Variants in ANTXRL observed in about 807,000 individuals in gnomAD.
ANTXRL encodes the protein anthrax toxin receptor-like.
Under a neutral mutation model 75.4 loss-of-function variants are expected in ANTXRL, and 63 were observed. The observed-to-expected ratio is 0.84, with a 90% CI of 0.68 to 1.03. ANTXRL has a LOEUF of 1.03. ANTXRL is among the 50% of genes least tolerant of loss of function. ANTXRL has a pLI of 0.00. For synonymous variants in ANTXRL, 335 were observed against 291.3 expected (o/e 1.15, Z -1.53); for missense variants, 797 against 789.4 (o/e 1.01, Z -0.12).
intron 10 of ANTXRL, among the ~76,000 whole-genome samples, chr10:46,304,185 C>T (rs1356951271): frequency 2.6e-5 from 4 of 152,172 alleles, no homozygotes; most frequent in African/African-American, 4.8e-5. Flanking sequence ...TATCAGATAT[C>T]GTGCCAAGTG....
intron 10 of ANTXRL, among the ~76,000 whole-genome samples, chr10:46,304,739 C>T (rs1210272044): frequency 4.6e-5 from 7 of 152,144 alleles, no homozygotes; most frequent in Admixed American, 6.5e-5. Context: ...GATGGAAGAG[C>T]CTGCCCAGGG....
chr10:46,329,254 C>T (rs1390850027), intron 16 of ANTXRL, among the ~76,000 whole-genome samples: 1 of 152,160 alleles, frequency 6.6e-6, no homozygotes, highest in Non-Finnish European at 1.5e-5. Flanking sequence ...CTTCCACATG[C>T]TCACTAGAGC....
chr10:46,309,048 A>T, intron 12 of ANTXRL, 65 bp from the exon 13 acceptor site: 1 of 1,533,174 alleles, frequency 6.5e-7, no homozygotes, highest in Non-Finnish European at 8.7e-7. Flanking sequence ...CAGATGGGCC[A>T]CCAAGTGGTG....
Position 46,306,786 on chromosome 10 carries a change from A to C in ANTXRL, c.896-17A>C, listed in dbSNP as rs558013312. 8.0e-4 allele frequency: 1,221 copies of C among 1,518,408 alleles called. 23 individuals carry two copies. In the South Asian group the frequency reaches 0.014, roughly 18 times the overall value. 94.1% of individuals were successfully genotyped at this position (1,518,408 alleles called of 1,614,324 possible). ...AGACAGGTGCACTGACATTCTTCTC[A>C]TGTCATTTTCTTTTAGATGAAAAGC... On this transcript the variant is annotated splice_polypyrimidine_tract_variant and intron_variant, in intron 10 of 16. Transcript: ENST00000620264.
At chr10:46,311,374 T>C in intron 14 of ANTXRL, 136 bp from the exon 15 acceptor site, 1 of 1,265,358 alleles carries the variant, frequency 7.9e-7, no homozygotes, top group African/African-American at 1.5e-5. Flanking sequence ...GGAGTTTGCG[T>C]GTTTTTCACA....
chr10:46,315,782 T>A (rs1356920922), intron 16 of ANTXRL, among the ~76,000 whole-genome samples: 3 of 152,198 alleles, frequency 2.0e-5, no homozygotes, highest in Non-Finnish European at 4.4e-5. Context: ...TCCAAACATT[T>A]TTGCATTTTG....
chr10:46,325,147 G>C (rs1839154457), intron 16 of ANTXRL, among the ~76,000 whole-genome samples: 1 of 150,430 alleles, frequency 6.6e-6, no homozygotes, highest in Non-Finnish European at 1.5e-5. Flanking sequence ...TTTGGGGAGA[G>C]TTTACTAGAG....
At chr10:46,309,042 T>A (rs1838266166) in intron 12 of ANTXRL, 71 bp from the exon 13 acceptor site, 23 of 1,530,486 alleles carry the variant, frequency 1.5e-5, no homozygotes, top group South Asian at 8.4e-5. Flanking sequence ...AGTGGGCAGA[T>A]GGGCCACCAA....
chr10:46,297,757 C>A, intron 7 of ANTXRL, 74 bp from the exon 8 acceptor site: 1 of 1,314,952 alleles, frequency 7.6e-7, no homozygotes. Flanking sequence ...GGGCAAGACA[C>A]TGTCTCCTGG....
intron 16 of ANTXRL, among the ~76,000 whole-genome samples, chr10:46,327,005 A>T (rs1839248545): frequency 6.6e-6 from 1 of 152,066 alleles, no homozygotes; most frequent in South Asian, 2.1e-4. Context: ...AGAGAAAGAG[A>T]TTCAGCTCTA....
At chr10:46,317,916 A>G (rs1554964963) in intron 16 of ANTXRL, among the ~76,000 whole-genome samples, 1 of 152,140 alleles carries the variant, frequency 6.6e-6, no homozygotes, top group African/African-American at 2.4e-5. Flanking sequence ...AGAGGCAGTG[A>G]GGAAGGAGAC....
intron 16 of ANTXRL, among the ~76,000 whole-genome samples, chr10:46,325,440 G>A (rs537652106): frequency 1.3e-5 from 2 of 152,252 alleles, no homozygotes; most frequent in South Asian, 4.1e-4. Flanking sequence ...GCATAAGATT[G>A]TTAGCCTTTT....
chr10:46,293,276 G>GTGCC (rs1837098362), intron 2 of ANTXRL, among the ~76,000 whole-genome samples: 1 of 126,628 alleles, frequency 7.9e-6, no homozygotes, highest in South Asian at 2.7e-4. Context: ...CTGTGCGTGT[G>GTGCC]TGAGAGTGTG....
intron 16 of ANTXRL, among the ~76,000 whole-genome samples, chr10:46,316,883 T>C (rs73292913): frequency 0.046 from 6,946 of 152,192 alleles, 545 homozygotes; most frequent in African/African-American, 0.16. Flanking sequence ...CTTCAGTTTC[T>C]GCTTACATCC....
At chr10:46,304,998 G>A (rs1213143515) in intron 10 of ANTXRL, among the ~76,000 whole-genome samples, 1 of 152,216 alleles carries the variant, frequency 6.6e-6, no homozygotes, top group Non-Finnish European at 1.5e-5. Context: ...CACCTGCGTA[G>A]ATGGCCATTC....
At chr10:46,302,087 C>G (rs563423990) in intron 9 of ANTXRL, among the ~76,000 whole-genome samples, 70 of 152,300 alleles carry the variant, frequency 4.6e-4, no homozygotes, top group African/African-American at 1.6e-3. Context: ...GAGAAATCAC[C>G]TGTAGTTCTC....
intron 2 of ANTXRL, among the ~76,000 whole-genome samples, chr10:46,293,353 T>C (rs1334024057): frequency 4.0e-5 from 6 of 149,118 alleles, no homozygotes; most frequent in African/African-American, 1.5e-4. Context: ...TGCGTGCATG[T>C]GTGTGCATGT....
chr10:46,302,392 G>A (rs566509916), intron 9 of ANTXRL, among the ~76,000 whole-genome samples: 1 of 152,148 alleles, frequency 6.6e-6, no homozygotes, highest in Non-Finnish European at 1.5e-5. Context: ...ACCTGGGGCC[G>A]AGGGAGCACC....
chr10:46,310,960 C>T (rs1243461331), intron 14 of ANTXRL, among the ~76,000 whole-genome samples: 2 of 152,040 alleles, frequency 1.3e-5, no homozygotes, highest in Non-Finnish European at 2.9e-5. Context: ...CTCAGGACTG[C>T]AGGGCTGAGG....
Sources: allele counts gnomAD v4.1 joint callset (sites outside exome capture counted in the v4.1 genomes callset), GRCh38; gene constraint gnomAD v4.1.1; transcripts MANE v1.5; gene names NCBI Gene and HGNC (gene_info 2026-07-23, HGNC 2026-07-21).